The following REEP3 variants were observed in gnomAD, a reference collection of about 807,000 sequenced individuals.
REEP3 encodes the protein receptor expression-enhancing protein 3.
REEP3 carries 20 observed loss-of-function variants against 41.3 expected under a neutral mutation model. The ratio of observed to expected loss-of-function variants is 0.48; its 90% CI spans 0.34 to 0.70. REEP3 has a LOEUF of 0.70. Among genes scored for constraint, REEP3 ranks in the 30% least tolerant of loss-of-function variants. The pLI is 0.01. For missense variants in REEP3, 271 were observed against 308.8 expected, an observed-to-expected ratio of 0.88 and a Z score of 0.92; for synonymous variants, 104 against 101.8, an observed-to-expected ratio of 1.02 and a Z score of -0.13.
intron 3 of REEP3, among the ~76,000 whole-genome samples, chr10:63,595,425 G>A (rs1956104737): frequency 1.3e-5 from 2 of 152,144 alleles, no homozygotes; most frequent in South Asian, 2.1e-4. Context: ...TCTCCCTGTG[G>A]TGTATTTCAG....
chr10:63,525,105 T>C (rs896581239), intron 1 of REEP3, among the ~76,000 whole-genome samples: 1 of 152,124 alleles, frequency 6.6e-6, no homozygotes, highest in Non-Finnish European at 1.5e-5. Flanking sequence ...TAAAACGTAA[T>C]AGATATATAG....
intron 1 of REEP3, among the ~76,000 whole-genome samples, chr10:63,550,731 G>GAGCTCC (rs1314548959): frequency 1.3e-5 from 2 of 152,162 alleles, no homozygotes; most frequent in Non-Finnish European, 2.9e-5. Flanking sequence ...CACAAACCTA[G>GAGCTCC]AGCTCCAGGT....
chr10:63,547,402 G>A (rs1437787858), intron 1 of REEP3, among the ~76,000 whole-genome samples: 1 of 151,996 alleles, frequency 6.6e-6, no homozygotes, highest in Admixed American at 6.6e-5. Context: ...ACATGTAAAT[G>A]CAAAAAATGG....
intron 6 of REEP3, among the ~76,000 whole-genome samples, chr10:63,613,890 T>C (rs1300742294): frequency 6.6e-6 from 1 of 152,208 alleles, no homozygotes; most frequent in Non-Finnish European, 1.5e-5. Context: ...TGAATATTTT[T>C]ATAATCTTCA....
chr10:63,531,911 T>A (rs1955424330), intron 1 of REEP3, among the ~76,000 whole-genome samples: 1 of 152,258 alleles, frequency 6.6e-6, no homozygotes, highest in African/African-American at 2.4e-5. Context: ...TTACTGTTGC[T>A]GATCAATCTG....
chr10:63,611,476 C>G (rs1332650698), intron 6 of REEP3, among the ~76,000 whole-genome samples: 1 of 152,072 alleles, frequency 6.6e-6, no homozygotes, highest in Admixed American at 6.6e-5. Context: ...TTAATATATT[C>G]TAAAACTTTA....
chr10:63,592,170 G>T (rs1956070072), intron 2 of REEP3, among the ~76,000 whole-genome samples: 2 of 152,160 alleles, frequency 1.3e-5, no homozygotes, highest in Non-Finnish European at 2.9e-5. Context: ...GGAGAGACTG[G>T]TCTGATGGCA....
chr10:63,546,104 G>T (rs1416820404), intron 1 of REEP3, among the ~76,000 whole-genome samples: 1 of 152,178 alleles, frequency 6.6e-6, no homozygotes, highest in East Asian at 1.9e-4. Flanking sequence ...GTGACCAGAG[G>T]TGTAGGCCAT....
intron 1 of REEP3, among the ~76,000 whole-genome samples, chr10:63,535,222 A>G (rs1564992327): frequency 6.6e-6 from 1 of 152,174 alleles, no homozygotes; most frequent in Non-Finnish European, 1.5e-5. Flanking sequence ...GGAAAAAAAG[A>G]TGGTAGAAAT....
chr10:63,528,263 T>C (rs1314138290), intron 1 of REEP3, among the ~76,000 whole-genome samples: 1 of 152,124 alleles, frequency 6.6e-6, no homozygotes, highest in Non-Finnish European at 1.5e-5. Flanking sequence ...TCCTTCCCCA[T>C]CTGGCTCCTC....
At chr10:63,586,482 T>C (rs1473281203) in intron 2 of REEP3, among the ~76,000 whole-genome samples, 1 of 152,202 alleles carries the variant, frequency 6.6e-6, no homozygotes, top group African/African-American at 2.4e-5. Flanking sequence ...AGGATTATTT[T>C]ACTTATATAT....
At chr10:63,598,252 G>A in intron 4 of REEP3, 108 bp downstream of exon 4, 5 of 681,870 alleles carry the variant, frequency 7.3e-6, no homozygotes, top group South Asian at 2.2e-5. Flanking sequence ...GGCTGAGGTG[G>A]GTGGATCACT....
At chr10:63,592,719 C>T (rs550482736) in intron 2 of REEP3, among the ~76,000 whole-genome samples, 55 of 151,516 alleles carry the variant, frequency 3.6e-4, no homozygotes, top group African/African-American at 1.3e-3. Flanking sequence ...GGTGAAACCC[C>T]GTCTCTACTA....
chr10:63,523,003 TAAG>T (rs892584427), intron 1 of REEP3, among the ~76,000 whole-genome samples: 3 of 129,154 alleles, frequency 2.3e-5, no homozygotes, highest in African/African-American at 6.0e-5. Context: ...AGTGCCCTAT[TAAG>T]AAGCTGTACT....
rs200806624 is a variant in REEP3, at chr10:63,594,794, A to T, written c.122A>T (p.Tyr41Phe). 145 of 1,610,178 alleles carry T rather than the reference A, an allele frequency of 9.0e-5. No individual in the cohort carries two copies. In the African/African-American group the frequency reaches 1.7e-3, roughly 19 times the overall value. ...NVKEYVRWMM[Y>F]WIVFALYTVI... is the part of the protein sequence containing the mutation. ...TATTTCCAGGTTCGATGGATGATGTACTGGATTGTTTTTGCTCTCTATACT... is the reference window on the plus strand; with the variant it reads ...TATTTCCAGGTTCGATGGATGATGTTCTGGATTGTTTTTGCTCTCTATACT... The change falls in exon 3 of 8, where the codon TAC (tyrosine) becomes TTC (phenylalanine). Residue 41 changes from tyrosine (Y) to phenylalanine (F), a missense_variant. By Grantham distance (22) the Tyr-to-Phe change is conservative (BLOSUM62 3). Transcript: ENST00000373758.
intron 6 of REEP3, among the ~76,000 whole-genome samples, chr10:63,619,311 G>A (rs1432348275): frequency 6.6e-6 from 1 of 152,190 alleles, no homozygotes; most frequent in Non-Finnish European, 1.5e-5. Context: ...AGGAGGAAAG[G>A]TGGGAAGAGA....
At chr10:63,589,784 T>A in intron 2 of REEP3, among the ~76,000 whole-genome samples, 1 of 129,236 alleles carries the variant, frequency 7.7e-6, no homozygotes, top group South Asian at 2.7e-4. Context: ...CAGCAGAACA[T>A]CTTTTTTTTT....
chr10:63,576,654 CA>C (rs1955901382), intron 2 of REEP3, among the ~76,000 whole-genome samples: 1 of 152,180 alleles, frequency 6.6e-6, no homozygotes. Context: ...GTTGCCATAA[CA>C]AAAACCATGG....
intron 2 of REEP3, among the ~76,000 whole-genome samples, chr10:63,585,469 A>G (rs10740137): frequency 0.99 from 150,000 of 152,256 alleles, 73,926 homozygotes; most frequent in Middle Eastern, 1. Context: ...GTTATATATT[A>G]AATCAGACAT....
Sources: allele counts gnomAD v4.1 joint callset (sites outside exome capture counted in the v4.1 genomes callset), GRCh38; gene constraint gnomAD v4.1.1; transcripts MANE v1.5; gene names NCBI Gene and HGNC (gene_info 2026-07-23, HGNC 2026-07-21).